The following SLC24A2 variants were observed in gnomAD, a reference collection of about 807,000 sequenced individuals.
SLC24A2 encodes sodium/potassium/calcium exchanger 2.
In SLC24A2, 36 loss-of-function variants were observed where a neutral mutation model predicts 62.0. That is an observed-to-expected ratio of 0.58 (90% CI 0.44 to 0.77). SLC24A2 has a LOEUF of 0.77. SLC24A2 is among the 30% of genes least tolerant of loss of function. The pLI is 0.00. For missense variants in SLC24A2, 846 were observed against 817.9 expected (o/e 1.03, Z -0.42); for synonymous variants, 358 against 294.0 (o/e 1.22, Z -2.23).
chr9:20,155,341 T>C, the SLC24A2 span, among the ~76,000 whole-genome samples: 1 of 151,776 alleles, frequency 6.6e-6, no homozygotes, highest in African/African-American at 2.4e-5. Flanking sequence ...CGTATACACA[T>C]AGAGAAAGCA....
chr9:20,134,446 G>C, the SLC24A2 span, among the ~76,000 whole-genome samples: 131 of 152,246 alleles, frequency 8.6e-4, 1 homozygote, highest in African/African-American at 3.0e-3. Flanking sequence ...GGCAACTGGA[G>C]TCTGAAGGCC....
chr9:20,116,069 G>A, the SLC24A2 span, among the ~76,000 whole-genome samples: 2 of 152,172 alleles, frequency 1.3e-5, no homozygotes, highest in African/African-American at 2.4e-5. Context: ...GGACAGGGCA[G>A]AAGTTACTGG....
chr9:19,858,335 A>G, the SLC24A2 span, among the ~76,000 whole-genome samples: 1 of 152,226 alleles, frequency 6.6e-6, no homozygotes, highest in South Asian at 2.1e-4. Context: ...CCTTTCTTAC[A>G]CCATACACAA....
At chr9:19,592,072 T>C (rs1242701858) in intron 5 of SLC24A2, among the ~76,000 whole-genome samples, 1 of 152,202 alleles carries the variant, frequency 6.6e-6, no homozygotes, top group African/African-American at 2.4e-5. Context: ...TCACTGCAAC[T>C]AAGAACATCA....
chr9:20,137,817 A>C, the SLC24A2 span, among the ~76,000 whole-genome samples: 1 of 152,336 alleles, frequency 6.6e-6, no homozygotes, highest in East Asian at 1.9e-4. Context: ...CACAGGAATC[A>C]TAATGTTTGC....
chr9:20,253,544 C>T, the SLC24A2 span, among the ~76,000 whole-genome samples: 20 of 152,264 alleles, frequency 1.3e-4, no homozygotes, highest in Middle Eastern at 3.4e-3. Flanking sequence ...ACCTTGGCTC[C>T]GCACTGGGAT....
chr9:19,629,674 C>T (rs1013682011), intron 2 of SLC24A2, among the ~76,000 whole-genome samples: 1 of 151,566 alleles, frequency 6.6e-6, no homozygotes, highest in African/African-American at 2.4e-5. Flanking sequence ...GAAAAAAGGG[C>T]CCCCCTGGTG....
chr9:19,851,721 A>T, the SLC24A2 span, among the ~76,000 whole-genome samples: 1 of 152,178 alleles, frequency 6.6e-6, no homozygotes, highest in African/African-American at 2.4e-5. Context: ...TAAAAAATCC[A>T]GTTAATCATT....
intron 2 of SLC24A2, among the ~76,000 whole-genome samples, chr9:19,771,298 A>G (rs1038796772): frequency 6.6e-6 from 1 of 152,186 alleles, no homozygotes; most frequent in Non-Finnish European, 1.5e-5. Flanking sequence ...GCACAACACT[A>G]TCTTGTCCTG....
chr9:19,878,435 A>G, the SLC24A2 span, among the ~76,000 whole-genome samples: 1 of 152,220 alleles, frequency 6.6e-6, no homozygotes, highest in Non-Finnish European at 1.5e-5. Context: ...TTAAGAAAGC[A>G]GAATAGAAAT....
rs188623019 is a variant in SLC24A2, at chr9:19,731,850, A to G, written c.930+54087T>C. ...CACAGCAACCTGTTAGCAGGACCTC[A>G]CACATACTGGAACTGTGTTCTCACT... On this transcript the variant is annotated intron_variant, in intron 2 of 10. Coordinates refer to ENST00000341998, the MANE Select transcript of SLC24A2 (RefSeq NM_020344.4). Among the ~76,000 whole-genome samples the G allele has an allele frequency of 1.2e-4, 18 of 152,292 alleles. No homozygotes were observed. The East Asian group carries it at 3.3e-3, about 28-fold the overall frequency.
At chr9:20,066,507 T>G in the SLC24A2 span, among the ~76,000 whole-genome samples, 2 of 152,228 alleles carry the variant, frequency 1.3e-5, no homozygotes, top group Admixed American at 6.5e-5. Flanking sequence ...CTTTTGACAC[T>G]TGACTGTCTC....
At chr9:19,637,709 G>A (rs540135030) in intron 2 of SLC24A2, among the ~76,000 whole-genome samples, 3 of 152,312 alleles carry the variant, frequency 2.0e-5, no homozygotes, top group Non-Finnish European at 2.9e-5. Context: ...TTTCACAGCT[G>A]GAAGGAAGTG....
At chr9:20,019,155 A>AAGAGAGAGAG in the SLC24A2 span, among the ~76,000 whole-genome samples, 168 of 117,178 alleles carry the variant, frequency 1.4e-3, 8 homozygotes, top group African/African-American at 2.2e-3. Context: ...GAAAGAAAGA[A>AAGAGAGAGAG]AGAGAGAGAG....
the SLC24A2 span, among the ~76,000 whole-genome samples, chr9:20,145,800 C>T: frequency 6.6e-6 from 1 of 151,664 alleles, no homozygotes; most frequent in Non-Finnish European, 1.5e-5. Flanking sequence ...TGTGTATATG[C>T]ATATATGTAT....
chr9:19,563,748 A>AC lies in SLC24A2; in HGVS notation c.1347+9602dup, dbSNP rs1268523260. Among the ~76,000 whole-genome samples the AC allele has an allele frequency of 1.3e-4, 15 of 119,454 alleles. No individual in the cohort carries two copies. In the South Asian group the frequency reaches 4.4e-3, roughly 35 times the overall value. The allele number at this position is 119,454 out of a possible 152,430, so 78.4% of individuals were successfully genotyped here. A position where few individuals can be genotyped will look rare whatever the true frequency, so the allele number is the denominator to read the frequency against. On this transcript the variant is annotated intron_variant, in intron 7 of 10. Transcript: ENST00000341998. ...AACAAAACTGTTGGTTTTTATAATG[A>AC]CCCTTCCTTCCTTTCATCTGTAACA...
the SLC24A2 span, among the ~76,000 whole-genome samples, chr9:19,973,549 C>T: frequency 1.2e-4 from 18 of 152,294 alleles, no homozygotes; most frequent in Non-Finnish European, 2.5e-4. Context: ...CTGCCTTTAC[C>T]ATTTTCTTGC....
the SLC24A2 span, among the ~76,000 whole-genome samples, chr9:20,162,815 A>G: frequency 8.5e-5 from 13 of 152,108 alleles, no homozygotes; most frequent in East Asian, 3.9e-4. Flanking sequence ...GGGATGCAAG[A>G]CTGGTTCAAT....
At chr9:20,198,062 G>T in the SLC24A2 span, among the ~76,000 whole-genome samples, 2 of 152,158 alleles carry the variant, frequency 1.3e-5, no homozygotes, top group East Asian at 3.9e-4. Context: ...ACTTGTAAAG[G>T]CGGTCATTTC....
Sources: gnomAD v4.1 joint callset for allele counts (sites outside exome capture counted in the v4.1 genomes callset) on GRCh38, gnomAD v4.1.1 for gene constraint, MANE v1.5 for transcripts, NCBI Gene and HGNC (gene_info 2026-07-23, HGNC 2026-07-21) for gene names.